The following COL25A1 variants were observed in gnomAD, a reference collection of about 807,000 sequenced individuals.
COL25A1 encodes collagen type XXV alpha 1 chain.
COL25A1 carries 103 observed loss-of-function variants against 128.4 expected under a neutral mutation model. The ratio of observed to expected loss-of-function variants is 0.80; its 90% CI spans 0.68 to 0.94. The LOEUF (loss-of-function observed/expected upper bound fraction) is 0.94. Among genes scored for constraint, COL25A1 ranks in the 40% least tolerant of loss-of-function variants. The pLI is 0.00. For synonymous variants in COL25A1, 279 were observed against 277.2 expected (o/e 1.01, Z -0.06); for missense variants, 745 against 840.0 (o/e 0.89, Z 1.40).
chr4:109,086,593 C>T (rs1340366576), intron 3 of COL25A1, among the ~76,000 whole-genome samples: 1 of 152,158 alleles, frequency 6.6e-6, no homozygotes, highest in Non-Finnish European at 1.5e-5. Flanking sequence ...CTCTAATCAG[C>T]CTTCCTGATT....
At position 109,148,656 on chromosome 4, in the gene COL25A1, C is replaced by A. The variant is rs181131530; in HGVS notation, c.368-98477G>T. Among the ~76,000 whole-genome samples the A allele has an allele frequency of 7.2e-5, 11 of 152,254 alleles. No homozygotes were observed. The East Asian group carries it at 2.1e-3, about 29-fold the overall frequency. On this transcript the variant is annotated intron_variant, in intron 3 of 37. Coordinates refer to ENST00000399132, the MANE Select transcript of COL25A1 (RefSeq NM_198721.4). Reference sequence around the variant, plus strand: ...CATCCTCCATACTGTTGCAATAATTCTATTTCTCATTTACAATTTTGACCC... The same window carrying A: ...CATCCTCCATACTGTTGCAATAATTATATTTCTCATTTACAATTTTGACCC...
At chr4:108,866,349 T>C (rs1737918733) in intron 20 of COL25A1, among the ~76,000 whole-genome samples, 1 of 152,172 alleles carries the variant, frequency 6.6e-6, no homozygotes, top group East Asian at 1.9e-4. Context: ...TGCGCCGCCA[T>C]GCCCAGATGA....
intron 3 of COL25A1, among the ~76,000 whole-genome samples, chr4:109,220,523 C>T (rs57810497): frequency 0.087 from 13,157 of 151,968 alleles, 1,187 homozygotes; most frequent in African/African-American, 0.23. Flanking sequence ...ATCTGAAGAC[C>T]GGACTAATTC....
rs559013553 is a variant in COL25A1 at position 108,822,899 on chromosome 4, T to C, written c.1845+1275A>G. Among the ~76,000 whole-genome samples, 19 of 152,292 alleles carry C rather than the reference T, an allele frequency of 1.2e-4. No homozygotes were observed. The East Asian group carries it at 1.4e-3, about 11-fold the overall frequency. ...ATAATGCCAACTTCGGGGGTTGTTA[T>C]GAGGATTAAAAGACTTATCATATGT... is the stretch of plus-strand genomic sequence containing the variant. On this transcript the variant is annotated intron_variant, in intron 35 of 37. Coordinates refer to ENST00000399132, the MANE Select transcript of COL25A1 (RefSeq NM_198721.4).
chr4:109,158,404 T>C (rs1441890861), intron 3 of COL25A1, among the ~76,000 whole-genome samples: 1 of 152,188 alleles, frequency 6.6e-6, no homozygotes, highest in Non-Finnish European at 1.5e-5. Flanking sequence ...AAAAGCTGTA[T>C]TCTTCTATAT....
At position 108,846,195 on chromosome 4, in the gene COL25A1, T is replaced by A. The variant is rs781317660; in HGVS notation, c.1459A>T (p.Met487Leu). Residue 487 changes from methionine (M) to leucine (L), a missense_variant, in exon 28 of 38, where the codon ATG (methionine) becomes TTG (leucine). By Grantham distance (15) the Met-to-Leu change is conservative (BLOSUM62 2). This residue lies in a region of COL25A1 where 387 missense variants were observed against 441.9 expected (regional missense o/e 0.88). Transcript: ENST00000399132. The stretch of plus-strand genomic sequence containing the variant: ...TCACCTGTCATACCTGGGTCCCCCA[T>A]GTCTCCCTTTGAGCCTTTGAGTCCC... ...EQGLKGSKGDMGDPGMTGEKG... is the reference protein window; with the variant it reads ...EQGLKGSKGDLGDPGMTGEKG... 1 of 1,612,786 alleles carries A rather than the reference T, an allele frequency of 6.2e-7. No homozygotes were observed. The highest frequency in any genetic ancestry group is 1.1e-5 in the South Asian group (1 of 91,040).
At chr4:108,860,642 T>G (rs1737090318) in intron 23 of COL25A1, among the ~76,000 whole-genome samples, 1 of 152,034 alleles carries the variant, frequency 6.6e-6, no homozygotes, top group Admixed American at 6.6e-5. Flanking sequence ...AATTGAAAAG[T>G]GGAAAATTCC....
At chr4:109,093,362 A>T (rs954644259) in intron 3 of COL25A1, among the ~76,000 whole-genome samples, 6 of 150,986 alleles carry the variant, frequency 4.0e-5, no homozygotes, top group Non-Finnish European at 7.4e-5. Flanking sequence ...GCTCATGCCT[A>T]TAATCTCAGT....
chr4:108,966,954 A>AG (rs1751377710), intron 8 of COL25A1, among the ~76,000 whole-genome samples: 1 of 149,748 alleles, frequency 6.7e-6, no homozygotes, highest in Non-Finnish European at 1.5e-5. Flanking sequence ...GGAAAGAAAG[A>AG]AAAAGAAAGA....
chr4:108,916,829 G>A (rs939675485), intron 13 of COL25A1, among the ~76,000 whole-genome samples: 1 of 152,154 alleles, frequency 6.6e-6, no homozygotes, highest in Non-Finnish European at 1.5e-5. Flanking sequence ...TGCGACATGG[G>A]CGGTTAACTG....
intron 3 of COL25A1, among the ~76,000 whole-genome samples, chr4:109,249,227 A>G (rs1021168374): frequency 6.6e-6 from 1 of 152,236 alleles, no homozygotes; most frequent in Non-Finnish European, 1.5e-5. Context: ...CCTCTGTTAT[A>G]GAACATGATG....
chr4:108,955,997 A>T (rs757737908), intron 8 of COL25A1, among the ~76,000 whole-genome samples: 1 of 152,204 alleles, frequency 6.6e-6, no homozygotes, highest in Non-Finnish European at 1.5e-5. Context: ...AAAATTATTC[A>T]ACCATTCGTA....
At chr4:108,948,400 T>C (rs1749022903) in intron 8 of COL25A1, among the ~76,000 whole-genome samples, 1 of 152,134 alleles carries the variant, frequency 6.6e-6, no homozygotes, top group African/African-American at 2.4e-5. Flanking sequence ...GTATTATTAA[T>C]TATGGGAAGA....
intron 2 of COL25A1, 145 bp from the exon 3 acceptor site, chr4:109,300,797 G>A: frequency 3.4e-6 from 2 of 591,466 alleles, no homozygotes; most frequent in Non-Finnish European, 6.0e-6. Flanking sequence ...CTCTAGTCAA[G>A]AAAGTAACCA....
intron 36 of COL25A1, among the ~76,000 whole-genome samples, chr4:108,818,399 T>A (rs1350643700): frequency 1.3e-5 from 2 of 152,056 alleles, no homozygotes; most frequent in Non-Finnish European, 1.5e-5. Context: ...AATATAACCA[T>A]CAACGCAAAC....
intron 3 of COL25A1, among the ~76,000 whole-genome samples, chr4:109,164,256 A>G (rs1772858448): frequency 6.6e-6 from 1 of 152,192 alleles, no homozygotes; most frequent in African/African-American, 2.4e-5. Context: ...CTGCTTGATA[A>G]GAGAGGAAGA....
intron 3 of COL25A1, among the ~76,000 whole-genome samples, chr4:109,190,891 C>T (rs1775549876): frequency 6.6e-6 from 1 of 152,154 alleles, no homozygotes. Flanking sequence ...CATCTTTTCA[C>T]CTGCTGTTTC....
At chr4:108,941,326 T>G in intron 9 of COL25A1, 40 bp downstream of exon 9, 2 of 1,507,576 alleles carry the variant, frequency 1.3e-6, no homozygotes, top group Non-Finnish European at 1.8e-6. Flanking sequence ...CAATAACTGA[T>G]GTAAAGAAGA....
intron 19 of COL25A1, among the ~76,000 whole-genome samples, chr4:108,880,728 G>A (rs747261949): frequency 5.1e-4 from 78 of 152,138 alleles, no homozygotes; most frequent in Non-Finnish European, 2.9e-4. Flanking sequence ...GATAAGGGGC[G>A]GACAAGGATC....
Sources: gnomAD v4.1 joint callset for allele counts (sites outside exome capture counted in the v4.1 genomes callset) on GRCh38, gnomAD v4.1.1 for gene constraint, gnomAD v4.1.1 regional missense constraint, MANE v1.5 for transcripts, NCBI Gene and HGNC (gene_info 2026-07-23, HGNC 2026-07-21) for gene names.